Variants in CTNND2 observed in about 807,000 individuals in gnomAD.
CTNND2 encodes the protein catenin delta 2.
In CTNND2, 22 loss-of-function variants were observed where a neutral mutation model predicts 144.4. The ratio of observed to expected loss-of-function variants is 0.15; its 90% CI spans 0.11 to 0.22. The LOEUF (loss-of-function observed/expected upper bound fraction) is 0.22. Ranked by LOEUF, CTNND2 falls within the 10% of genes least tolerant of loss-of-function variation. The pLI is 1.00. For missense variants in CTNND2, 1,353 were observed against 1,618.8 expected, an observed-to-expected ratio of 0.84 and a Z score of 2.82; for synonymous variants, 751 against 695.6, an observed-to-expected ratio of 1.08 and a Z score of -1.25.
At chr5:11,887,539 G>A (rs1736648092) in intron 1 of CTNND2, among the ~76,000 whole-genome samples, 1 of 151,606 alleles carries the variant, frequency 6.6e-6, no homozygotes, top group African/African-American at 2.4e-5. Context: ...TAAAAATTAG[G>A]TTGTAAAAAA....
At chr5:11,022,210 T>G (rs1219174188) in intron 17 of CTNND2, among the ~76,000 whole-genome samples, 2 of 152,182 alleles carry the variant, frequency 1.3e-5, no homozygotes, top group Non-Finnish European at 2.9e-5. Flanking sequence ...AGCTAGCATA[T>G]TGTGACAGCC....
chr5:11,607,065 T>C (rs115962739), intron 2 of CTNND2, among the ~76,000 whole-genome samples: 3,730 of 152,136 alleles, frequency 0.025, 145 homozygotes, highest in African/African-American at 0.085. Flanking sequence ...GAAGATGAAG[T>C]CAGAGGTCAG....
At chr5:11,832,046 G>T (rs1306887462) in intron 1 of CTNND2, among the ~76,000 whole-genome samples, 1 of 152,178 alleles carries the variant, frequency 6.6e-6, no homozygotes, top group Non-Finnish European at 1.5e-5. Flanking sequence ...CACTTTGGGA[G>T]TCCTAGACAG....
intron 11 of CTNND2, among the ~76,000 whole-genome samples, chr5:11,167,741 G>A (rs1243990219): frequency 6.6e-6 from 1 of 150,958 alleles, no homozygotes; most frequent in African/African-American, 2.4e-5. Flanking sequence ...TGTTGCCCAG[G>A]TTAGAGTGCA....
At chr5:11,051,499 T>C (rs1745819679) in intron 16 of CTNND2, among the ~76,000 whole-genome samples, 1 of 152,218 alleles carries the variant, frequency 6.6e-6, no homozygotes, top group African/African-American at 2.4e-5. Context: ...CTTCTCTTGA[T>C]TGTATCTACA....
At chr5:11,368,097 T>C (rs1338553288) in intron 7 of CTNND2, among the ~76,000 whole-genome samples, 1 of 152,088 alleles carries the variant, frequency 6.6e-6, no homozygotes, top group Non-Finnish European at 1.5e-5. Flanking sequence ...AGCTGAAACA[T>C]GGGTACTTGG....
intron 1 of CTNND2, among the ~76,000 whole-genome samples, chr5:11,899,294 G>C (rs1737667797): frequency 6.6e-6 from 1 of 152,126 alleles, no homozygotes; most frequent in Admixed American, 6.5e-5. Flanking sequence ...GATAGTCTTT[G>C]TACAACATTA....
chr5:11,416,136 G>A lies in CTNND2; in HGVS notation c.288-4067C>T, dbSNP rs991563626. The stretch of plus-strand genomic sequence containing the variant: ...AGCACAGAGTTGGAAGAAAATGTCC[G>A]GGGTAACCCTAGTACAAATAAGGTG... On this transcript the variant is annotated intron_variant, in intron 3 of 21. Coordinates refer to ENST00000304623, the MANE Select transcript of CTNND2 (RefSeq NM_001332.4). Among the ~76,000 whole-genome samples, 5 of 152,304 alleles carry A rather than the reference G, an allele frequency of 3.3e-5. No individual in the cohort carries two copies. The East Asian group carries it at 5.8e-4, about 18-fold the overall frequency.
chr5:11,365,812 T>C (rs61750662), intron 7 of CTNND2, among the ~76,000 whole-genome samples: 51 of 152,266 alleles, frequency 3.3e-4, no homozygotes, highest in African/African-American at 1.2e-3. Flanking sequence ...TCAGAACCAC[T>C]GGAGCAGAAA....
rs1738134921 is a variant in CTNND2, at chr5:11,904,060, G to A, written c.-207C>T. 3.2e-6 allele frequency: 1 copy of A among 312,048 alleles called. No individual in the cohort carries two copies. The highest frequency in any genetic ancestry group is 5.2e-6 in the Non-Finnish European group (1 of 191,542). 19.3% of individuals were successfully genotyped at this position (312,048 alleles called of 1,614,324 possible). On this transcript the variant is annotated 5_prime_UTR_variant, in exon 1 of 22. Coordinates refer to ENST00000304623, the MANE Select transcript of CTNND2 (RefSeq NM_001332.4). The surrounding 1 kb of genome is among the most constrained non-coding windows in gnomAD (Gnocchi z 4.2). ...TCCCGACGCGAGTGCGCAGCGCCCG[G>A]CCCGGCGGCCCCTCCGAGCTCGGCG... is the stretch of plus-strand genomic sequence containing the variant.
At chr5:11,360,990 A>C (rs577275901) in intron 8 of CTNND2, among the ~76,000 whole-genome samples, 6 of 152,190 alleles carry the variant, frequency 3.9e-5, no homozygotes, top group Non-Finnish European at 5.9e-5. Flanking sequence ...CCCAGGATCT[A>C]GGGTAAGACT....
chr5:11,147,708 AAGGTAATGTGAGAAAAAG>A (rs1757377075), intron 12 of CTNND2, among the ~76,000 whole-genome samples: 1 of 122,454 alleles, frequency 8.2e-6, no homozygotes, highest in African/African-American at 3.1e-5. Flanking sequence ...ACATGAAACG[AAGGTAATGTGAGAAAAAG>A]AGAATAGGCC....
At position 11,397,114 on chromosome 5, in the gene CTNND2, T is replaced by C. The variant is rs1341961972; in HGVS notation, c.529A>G (p.Thr177Ala). The change falls in exon 6 of 22, where the codon ACC becomes GCC. Residue 177 changes from threonine to alanine, a missense_variant. Transcript: ENST00000304623. The part of the protein sequence containing the change: ...QYPASYHSNQ[T>A]LALGETTPSQ... The stretch of plus-strand genomic sequence containing the variant: ...GGGGTGGTTTCCCCCAGGGCCAGGG[T>C]CTGGTTGCTATGGTAGCTGGCCGGA... 6.2e-7 allele frequency: 1 copy of C among 1,613,944 alleles called. No individual in the cohort carries two copies.
chr5:11,329,023 A>G (rs993502820), intron 9 of CTNND2, among the ~76,000 whole-genome samples: 4 of 152,286 alleles, frequency 2.6e-5, no homozygotes, highest in Admixed American at 6.5e-5. Flanking sequence ...TGGCTTGTAG[A>G]TGAACAAATT....
intron 18 of CTNND2, among the ~76,000 whole-genome samples, chr5:10,995,680 C>CT (rs1475621094): frequency 1.3e-5 from 2 of 151,962 alleles, no homozygotes; most frequent in African/African-American, 2.4e-5. Context: ...ATGGGAATGA[C>CT]TGAATGCAGA....
chr5:10,992,470 G>A (rs778919929), intron 19 of CTNND2, 81 bp downstream of exon 19: 22 of 1,589,570 alleles, frequency 1.4e-5, no homozygotes, highest in Admixed American at 3.3e-5. Flanking sequence ...CTCTGAGTAC[G>A]GGTTGGCTCA....
At chr5:11,685,226 T>A (rs1245343891) in intron 2 of CTNND2, among the ~76,000 whole-genome samples, 3 of 152,162 alleles carry the variant, frequency 2.0e-5, no homozygotes, top group Admixed American at 2.0e-4. Flanking sequence ...GCAGATGAAG[T>A]GTATGTGTGA....
chr5:11,364,045 CA>C (rs1756722599), intron 8 of CTNND2, among the ~76,000 whole-genome samples: 1 of 152,190 alleles, frequency 6.6e-6, no homozygotes, highest in African/African-American at 2.4e-5. Context: ...TGACATTTGA[CA>C]GATTATGTTG....
At chr5:11,190,967 T>C (rs1736181325) in intron 11 of CTNND2, among the ~76,000 whole-genome samples, 1 of 152,152 alleles carries the variant, frequency 6.6e-6, no homozygotes, top group African/African-American at 2.4e-5. Context: ...AAGCAAAGTG[T>C]CCAACTTAGG....
Sources: gnomAD v4.1 joint callset for allele counts (sites outside exome capture counted in the v4.1 genomes callset) on GRCh38, gnomAD v4.1.1 for gene constraint, Gnocchi (gnomAD v3.1) non-coding constraint, MANE v1.5 for transcripts, NCBI Gene and HGNC (gene_info 2026-07-23, HGNC 2026-07-21) for gene names.